Variants in PSD3 observed in about 807,000 individuals in gnomAD.
PSD3 encodes pleckstrin and Sec7 domain containing 3, also known as PH and SEC7 domain-containing protein 3.
A neutral mutation model predicts 105.5 loss-of-function variants in PSD3; 49 were observed. The ratio of observed to expected loss-of-function variants is 0.46; its 90% CI spans 0.37 to 0.59. The LOEUF is 0.59. Ranked by LOEUF, PSD3 falls within the 20% of genes least tolerant of loss-of-function variation. The pLI, the probability that PSD3 is intolerant of heterozygous loss-of-function variation, is 0.00. For missense variants in PSD3, 1,561 were observed against 1,263.8 expected (o/e 1.24, Z -3.57); for synonymous variants, 557 against 457.8 (o/e 1.22, Z -2.77).
At chr8:18,890,848 G>A (rs1818741189) in intron 2 of PSD3, among the ~76,000 whole-genome samples, 1 of 152,020 alleles carries the variant, frequency 6.6e-6, no homozygotes, top group South Asian at 2.1e-4. Context: ...GAGAAAAGGG[G>A]TCGAGTGGCA....
intron 15 of PSD3, among the ~76,000 whole-genome samples, chr8:18,547,566 C>T (rs1055774612): frequency 9.2e-5 from 14 of 152,198 alleles, no homozygotes; most frequent in African/African-American, 3.1e-4. Flanking sequence ...CTGAACACTA[C>T]AGGGAATCTC....
intron 1 of PSD3, among the ~76,000 whole-genome samples, chr8:18,950,498 A>G (rs369775040): frequency 2.3e-4 from 35 of 152,252 alleles, no homozygotes; most frequent in Non-Finnish European, 3.1e-4. Flanking sequence ...CTCTTGTCCA[A>G]CTGAGGCTTT....
chr8:18,789,626 C>T (rs904706891), intron 8 of PSD3, among the ~76,000 whole-genome samples: 2 of 152,164 alleles, frequency 1.3e-5, no homozygotes, highest in South Asian at 2.1e-4. Context: ...ATTGATATTT[C>T]ATGGAAAGCA....
chr8:18,962,234 G>A (rs1049704130), intron 1 of PSD3, among the ~76,000 whole-genome samples: 9 of 151,710 alleles, frequency 5.9e-5, no homozygotes, highest in Non-Finnish European at 1.0e-4. Flanking sequence ...TGACAAGAGC[G>A]AGACTCCATC....
At chr8:18,600,551 A>C in intron 11 of PSD3, 117 bp from the exon 12 acceptor site, 3 of 834,856 alleles carry the variant, frequency 3.6e-6, no homozygotes, top group African/African-American at 1.7e-5. Flanking sequence ...GAAAGTAATA[A>C]CAATAAGAAC....
chr8:18,880,262 C>A (rs1818024301), intron 2 of PSD3, among the ~76,000 whole-genome samples: 1 of 152,096 alleles, frequency 6.6e-6, no homozygotes, highest in African/African-American at 2.4e-5. Flanking sequence ...TAAAATAGGG[C>A]CTTAGATACT....
chr8:19,038,449 A>G (rs930955239), intron 1 of PSD3, among the ~76,000 whole-genome samples: 1 of 152,034 alleles, frequency 6.6e-6, no homozygotes, highest in Non-Finnish European at 1.5e-5. Context: ...CCCCACATTT[A>G]TTTATTTATC....
At chr8:18,706,493 A>AT (rs1801906603) in intron 9 of PSD3, among the ~76,000 whole-genome samples, 1 of 152,246 alleles carries the variant, frequency 6.6e-6, no homozygotes, top group Admixed American at 6.5e-5. Context: ...CAATATCCAA[A>AT]GAAATAATCA....
rs55792997 is a variant in PSD3 at position 18,551,615 on chromosome 8, G to C, written c.2928+4594C>G. Among the ~76,000 whole-genome samples, 159 of 152,248 alleles carry C rather than the reference G, an allele frequency of 1.0e-3. 1 individual carries two copies. Among genetic ancestry groups the C allele is most frequent in the African/African-American group, 3.8e-3 (157 of 41,536 alleles). The stretch of plus-strand genomic sequence containing the variant: ...ATTGAATTTCCTAGCCATGTGGTTG[G>C]TGTGGGCTCTAACTGCCTTAAGCCA... On this transcript the variant is annotated intron_variant, in intron 15 of 15. Coordinates refer to ENST00000327040, the MANE Select transcript of PSD3 (RefSeq NM_015310.4).
At chr8:18,797,576 A>C (rs1451911045) in intron 8 of PSD3, among the ~76,000 whole-genome samples, 1 of 152,166 alleles carries the variant, frequency 6.6e-6, no homozygotes, top group East Asian at 1.9e-4. Context: ...GCATGCTGAG[A>C]TATCTAATAA....
chr8:18,873,471 A>G (rs1261087062), intron 2 of PSD3, among the ~76,000 whole-genome samples: 1 of 152,024 alleles, frequency 6.6e-6, no homozygotes, highest in Non-Finnish European at 1.5e-5. Context: ...GTTTATATAT[A>G]TATAGTATAC....
At chr8:18,851,944 A>G (rs543968688) in intron 4 of PSD3, among the ~76,000 whole-genome samples, 1 of 152,318 alleles carries the variant, frequency 6.6e-6, no homozygotes, top group South Asian at 2.1e-4. Context: ...AAAACCCATA[A>G]GGATGACAGT....
At chr8:18,820,336 A>T (rs73666726) in intron 4 of PSD3, among the ~76,000 whole-genome samples, 10,209 of 152,122 alleles carry the variant, frequency 0.067, 473 homozygotes, top group African/African-American at 0.13. Context: ...AATCAATAGT[A>T]TCTTAGATTC....
intron 1 of PSD3, among the ~76,000 whole-genome samples, chr8:19,074,064 A>C (rs1829366465): frequency 6.6e-6 from 1 of 152,136 alleles, no homozygotes; most frequent in Non-Finnish European, 1.5e-5. Context: ...TGCCGAGATT[A>C]CAGGCCCGAG....
At chr8:18,877,478 T>C (rs750382662) in intron 2 of PSD3, among the ~76,000 whole-genome samples, 4 of 151,960 alleles carry the variant, frequency 2.6e-5, no homozygotes, top group Non-Finnish European at 4.4e-5. Flanking sequence ...CATATACATA[T>C]ATTAATATAT....
chr8:18,661,917 A>G (rs1471035833), intron 9 of PSD3, among the ~76,000 whole-genome samples: 2 of 152,186 alleles, frequency 1.3e-5, no homozygotes, highest in African/African-American at 4.8e-5. Flanking sequence ...CACATTAGAG[A>G]ATGTATATTC....
chr8:18,853,971 T>C (rs1815795753), intron 4 of PSD3: 1 of 152,172 alleles, frequency 6.6e-6, no homozygotes, highest in Non-Finnish European at 1.5e-5. Context: ...TTTCCTAGGA[T>C]CTCCTTACAA....
intron 11 of PSD3, among the ~76,000 whole-genome samples, chr8:18,617,976 A>C (rs1805821577): frequency 6.6e-6 from 1 of 152,162 alleles, no homozygotes; most frequent in Non-Finnish European, 1.5e-5. Context: ...TCCCTTGCTA[A>C]ATCTTTTCTG....
intron 9 of PSD3, among the ~76,000 whole-genome samples, chr8:18,739,124 G>A (rs1804371062): frequency 6.6e-6 from 1 of 152,144 alleles, no homozygotes; most frequent in South Asian, 2.1e-4. Flanking sequence ...GAAAACTTCA[G>A]ATGGATGAAT....
Sources: allele counts gnomAD v4.1 joint callset (sites outside exome capture counted in the v4.1 genomes callset), GRCh38; gene constraint gnomAD v4.1.1; transcripts MANE v1.5; gene names NCBI Gene and HGNC (gene_info 2026-07-23, HGNC 2026-07-21).